PTPRK: variants seen among roughly 807,000 people sequenced by gnomAD.
The protein encoded by PTPRK is protein tyrosine phosphatase receptor type K, also known as receptor-type tyrosine-protein phosphatase kappa.
PTPRK carries 75 observed loss-of-function variants against 178.0 expected under a neutral mutation model. That is an observed-to-expected ratio of 0.42 (90% CI 0.35 to 0.51). The LOEUF is 0.51. Ranked by LOEUF, PTPRK falls within the 20% of genes least tolerant of loss-of-function variation. PTPRK has a pLI of 0.02. For missense variants in PTPRK, 1,441 were observed against 1,797.8 expected (o/e 0.80, Z 3.59); for synonymous variants, 637 against 620.6 (o/e 1.03, Z -0.39).
In PTPRK at chr6:128,209,859, GGA is replaced by G. The variant is rs139064835; in HGVS notation, c.868+9061_868+9062del. Among the ~76,000 whole-genome samples, 546 of 152,268 alleles carry G rather than the reference GGA, an allele frequency of 3.6e-3. 4 individuals are homozygous for G. The highest frequency in any genetic ancestry group is 0.012 in the African/African-American group (498 of 41,564). On this transcript the variant is annotated intron_variant, in intron 6 of 29. Coordinates refer to ENST00000368226, the MANE Select transcript of PTPRK (RefSeq NM_002844.4). ...GTGTTGCTAGAGTTTAGTGAGCAAA[GGA>G]GAGTCTTATGAAGGACTGAAGGGGG...
Position 128,198,502 on chromosome 6 carries a change from T to C in PTPRK, c.869-13777A>G, listed in dbSNP as rs559989200. 3.3e-4 allele frequency among the ~76,000 whole-genome samples: 50 copies of C among 152,232 alleles called. No homozygotes were observed. In the South Asian group the frequency reaches 0.01, roughly 31 times the overall value. ...GTAGGGGGCTAGGGGAGGGATAGCA[T>C]TAGGAGAATTACCTAATGTAGGTGA... On this transcript the variant is annotated intron_variant, in intron 6 of 29. Transcript: ENST00000368226.
chr6:128,066,493 C>A (rs1319493003), intron 12 of PTPRK, among the ~76,000 whole-genome samples: 1 of 67,804 alleles, frequency 1.5e-5, no homozygotes, highest in Non-Finnish European at 3.4e-5. Context: ...ATTGTTATGT[C>A]TTCCAATTAA....
intron 1 of PTPRK, among the ~76,000 whole-genome samples, chr6:128,483,320 T>C (rs1447633791): frequency 6.6e-6 from 1 of 152,164 alleles, no homozygotes; most frequent in African/African-American, 2.4e-5. Context: ...TTACTTCCTA[T>C]GAGAGGTATT....
chr6:128,180,985 T>G (rs1439664592), intron 7 of PTPRK, among the ~76,000 whole-genome samples: 1 of 152,082 alleles, frequency 6.6e-6, no homozygotes, highest in East Asian at 1.9e-4. Context: ...GTTACTGTTT[T>G]GTTTTTGTTT....
intron 1 of PTPRK, among the ~76,000 whole-genome samples, chr6:128,461,371 T>G (rs536824148): frequency 6.5e-4 from 99 of 152,136 alleles, no homozygotes; most frequent in Admixed American, 3.3e-3. Flanking sequence ...TTAAATACAT[T>G]TGCCTAACAA....
intron 5 of PTPRK, among the ~76,000 whole-genome samples, chr6:128,237,292 T>A (rs1813472737): frequency 1.3e-5 from 2 of 152,182 alleles, no homozygotes; most frequent in Admixed American, 6.5e-5. Context: ...TTTGGTATTT[T>A]ACCTGACCAT....
At chr6:128,066,417 A>G (rs554135361) in intron 12 of PTPRK, among the ~76,000 whole-genome samples, 45 of 152,274 alleles carry the variant, frequency 3.0e-4, no homozygotes, top group Non-Finnish European at 5.7e-4. Context: ...CAAACAACAA[A>G]GCTTTGATTC....
At position 127,997,004 on chromosome 6, in the gene PTPRK, G is replaced by A. The variant is rs756429525; in HGVS notation, c.2680-16C>T. The A allele has an allele frequency of 3.1e-5, 49 of 1,605,582 alleles. No homozygotes were observed. Among genetic ancestry groups the A allele is most frequent in the East Asian group, 6.7e-5 (3 of 44,642 alleles). On this transcript the variant is annotated splice_polypyrimidine_tract_variant and intron_variant, in intron 16 of 29. Coordinates refer to ENST00000368226, the MANE Select transcript of PTPRK (RefSeq NM_002844.4). ...CAAAAAAGCTCTGGGAAAACAAAAC[G>A]AATAAGCAGACTGAATTTAATTCCT...
chr6:128,176,822 T>C (rs1038616010), intron 7 of PTPRK, among the ~76,000 whole-genome samples: 1 of 151,768 alleles, frequency 6.6e-6, no homozygotes, highest in Admixed American at 6.6e-5. Context: ...AATTAAATGA[T>C]GAAAATAATG....
rs146049848 is a variant in PTPRK at position 128,322,145 on chromosome 6, T to A, written c.389A>T (p.Asn130Ile). Residue 130 changes from asparagine to isoleucine, a missense_variant, in exon 3 of 30, where the codon AAT becomes ATT. By Grantham distance (149) the Asn-to-Ile change is moderately radical. This residue lies in a region of PTPRK where 158 missense variants were observed against 188.0 expected (regional missense o/e 0.84). Transcript: ENST00000368226. The stretch of plus-strand genomic sequence containing the variant: ...AATTGGATTGGCAAGAGGTCCTTTA[T>A]TCACCCTAACTAATATGTTCAAAGT... ...PGTLNILVRV[N>I]KGPLANPIWN... The A allele has an allele frequency of 6.2e-7, 1 of 1,613,818 alleles. No homozygotes were observed. The highest frequency in any genetic ancestry group is 1.3e-5 in the African/African-American group (1 of 74,886).
At chr6:128,219,832 T>C (rs886581772) in intron 5 of PTPRK, among the ~76,000 whole-genome samples, 3 of 152,220 alleles carry the variant, frequency 2.0e-5, no homozygotes, top group Non-Finnish European at 2.9e-5. Flanking sequence ...CCTGTGCATC[T>C]CTGTATTCCA....
intron 1 of PTPRK, among the ~76,000 whole-genome samples, chr6:128,421,770 A>C (rs1257958065): frequency 1.3e-5 from 2 of 152,228 alleles, no homozygotes; most frequent in African/African-American, 4.8e-5. Context: ...ATTATCATGA[A>C]ATAATATTTC....
intron 7 of PTPRK, among the ~76,000 whole-genome samples, chr6:128,106,066 A>G (rs975366348): frequency 5.3e-5 from 8 of 152,220 alleles, no homozygotes; most frequent in African/African-American, 1.7e-4. Flanking sequence ...GTTACTTAAC[A>G]TCCACAGACA....
At chr6:128,053,518 T>C (rs1266993209) in intron 13 of PTPRK, among the ~76,000 whole-genome samples, 1 of 152,078 alleles carries the variant, frequency 6.6e-6, no homozygotes, top group Non-Finnish European at 1.5e-5. Context: ...CAAGTCCCCT[T>C]TTCACCACAC....
chr6:128,290,753 A>G (rs1823246656), intron 3 of PTPRK, among the ~76,000 whole-genome samples: 1 of 152,132 alleles, frequency 6.6e-6, no homozygotes, highest in South Asian at 2.1e-4. Context: ...TAATCATTGA[A>G]AAATATCTGA....
intron 3 of PTPRK, among the ~76,000 whole-genome samples, chr6:128,313,163 G>A (rs1827486559): frequency 6.6e-6 from 1 of 151,972 alleles, no homozygotes; most frequent in Non-Finnish European, 1.5e-5. Context: ...ATTCTCACTA[G>A]AAACAAGACC....
At chr6:128,003,257 G>T in intron 15 of PTPRK, 1 of 1,587,360 alleles carries the variant, frequency 6.3e-7, no homozygotes, top group Non-Finnish European at 8.6e-7. Flanking sequence ...AGCTCATGAA[G>T]GAATATATTG....
intron 1 of PTPRK, among the ~76,000 whole-genome samples, chr6:128,451,462 C>T (rs1252011141): frequency 1.3e-5 from 2 of 151,910 alleles, no homozygotes; most frequent in South Asian, 4.1e-4. Flanking sequence ...TAAAACACAC[C>T]TCCTTTTTCC....
intron 5 of PTPRK, chr6:128,235,321 T>C (rs1813049635): frequency 6.4e-6 from 1 of 156,444 alleles, no homozygotes; most frequent in East Asian, 1.9e-4. Flanking sequence ...ATTTCTAACC[T>C]ATAAAAGTGT....
Sources: gnomAD v4.1 joint callset for allele counts (sites outside exome capture counted in the v4.1 genomes callset) on GRCh38, gnomAD v4.1.1 for gene constraint, gnomAD v4.1.1 regional missense constraint, MANE v1.5 for transcripts, NCBI Gene and HGNC (gene_info 2026-07-23, HGNC 2026-07-21) for gene names.